Variants in ARHGAP44 observed in about 807,000 individuals in gnomAD.
ARHGAP44 encodes rho GTPase-activating protein 44.
A neutral mutation model predicts 106.8 loss-of-function variants in ARHGAP44; 43 were observed. The observed-to-expected ratio is 0.40, with a 90% CI of 0.32 to 0.52. The LOEUF (loss-of-function observed/expected upper bound fraction) is 0.52, where lower values mean the gene tolerates loss of function less well. Ranked by LOEUF, ARHGAP44 falls within the 20% of genes least tolerant of loss-of-function variation. The probability of loss-of-function intolerance (pLI) is 0.48; values close to 1 mark genes in which losing one functional copy is unlikely to be tolerated. For missense variants in ARHGAP44, 866 were observed against 1,050.5 expected (o/e 0.82, Z 2.43); for synonymous variants, 439 against 410.3 (o/e 1.07, Z -0.85).
intron 1 of ARHGAP44, among the ~76,000 whole-genome samples, chr17:12,871,674 A>C (rs1262190555): frequency 6.6e-6 from 1 of 152,178 alleles, no homozygotes; most frequent in Non-Finnish European, 1.5e-5. Context: ...TTAACAATTC[A>C]ACGTGAAATT....
intron 8 of ARHGAP44, among the ~76,000 whole-genome samples, chr17:12,942,882 T>C (rs914946789): frequency 2.0e-5 from 3 of 152,224 alleles, no homozygotes; most frequent in Non-Finnish European, 4.4e-5. Context: ...AATTTGTTCT[T>C]TGGACTGCAT....
chr17:12,811,607 C>A (rs957727469), intron 1 of ARHGAP44, among the ~76,000 whole-genome samples: 2 of 152,122 alleles, frequency 1.3e-5, no homozygotes, highest in African/African-American at 2.4e-5. Context: ...ACTGTATATA[C>A]GTCTGAAATG....
intron 20 of ARHGAP44, among the ~76,000 whole-genome samples, chr17:12,989,101 CAAAAAAAAAAAAA>C (rs71144942): frequency 6.6e-5 from 3 of 45,160 alleles, no homozygotes; most frequent in African/African-American, 2.6e-4. Flanking sequence ...CCACCCCCCC[CAAAAAAAAAAAAA>C]AAAAAAAAAA....
chr17:12,935,345 G>A (rs1179063681), intron 7 of ARHGAP44, among the ~76,000 whole-genome samples: 2 of 152,122 alleles, frequency 1.3e-5, no homozygotes, highest in African/African-American at 2.4e-5. Flanking sequence ...AAGCTGAGGC[G>A]GGTGGATCAC....
rs555427621 is a variant in ARHGAP44 at position 12,895,265 on chromosome 17, C to T, written c.93+286C>T. Among the ~76,000 whole-genome samples the T allele has an allele frequency of 5.3e-5, 8 of 152,200 alleles. No individual in the cohort carries two copies. The East Asian group carries it at 5.8e-4, about 11-fold the overall frequency. On this transcript the variant is annotated intron_variant, in intron 2 of 20. Transcript: ENST00000379672. ...AGGAGAGAAGTTTTTTTGTCTTTTA[C>T]GACAGTACTTTGCATGATGAATACT... is the stretch of plus-strand genomic sequence containing the variant.
intron 1 of ARHGAP44, among the ~76,000 whole-genome samples, chr17:12,843,651 CTTTTTTTTTTT>C (rs146749216): frequency 5.1e-5 from 5 of 97,124 alleles, no homozygotes; most frequent in Admixed American, 3.4e-4. Context: ...GTATTGGTTA[CTTTTTTTTTTT>C]TTTTTTTTTT....
At chr17:12,814,050 AG>A (rs1244901174) in intron 1 of ARHGAP44, among the ~76,000 whole-genome samples, 3 of 152,072 alleles carry the variant, frequency 2.0e-5, no homozygotes, top group Admixed American at 6.5e-5. Flanking sequence ...GCTGACCAAA[AG>A]CTTAATTGTC....
chr17:12,990,307 G>T lies in ARHGAP44; in HGVS notation c.*136G>T. On this transcript the variant is annotated 3_prime_UTR_variant, in exon 21 of 21. Transcript: ENST00000379672. ...CACTGCCAACACGAGGTTGGAATTT[G>T]GCAGAAAATTGTGATCTCCAGTCCG... 1 of 1,248,472 alleles carries T rather than the reference G, an allele frequency of 8.0e-7. No individual in the cohort carries two copies. Among genetic ancestry groups the T allele is most frequent in the Non-Finnish European group, 1.1e-6 (1 of 920,292 alleles). 77.3% of individuals were successfully genotyped at this position (1,248,472 alleles called of 1,614,324 possible). A position where few individuals can be genotyped will look rare whatever the true frequency, so the allele number is the denominator to read the frequency against.
chr17:12,845,676 A>T (rs540880078), intron 1 of ARHGAP44, among the ~76,000 whole-genome samples: 6 of 152,290 alleles, frequency 3.9e-5, no homozygotes, highest in Non-Finnish European at 5.9e-5. Context: ...GCTTCATCTA[A>T]CTATCTTACT....
intron 16 of ARHGAP44, 111 bp from the exon 17 acceptor site, chr17:12,973,191 C>T (rs9889794): frequency 0.073 from 81,739 of 1,114,552 alleles, 3,354 homozygotes; most frequent in African/African-American, 0.12. Flanking sequence ...AAAAATCCCA[C>T]CCCAAGACCC....
At chr17:12,962,781 C>T (rs2039293641) in intron 16 of ARHGAP44, among the ~76,000 whole-genome samples, 1 of 152,174 alleles carries the variant, frequency 6.6e-6, no homozygotes, top group Non-Finnish European at 1.5e-5. Context: ...CGCGGTGGCT[C>T]ATGCCTGTAA....
chr17:12,824,241 T>G (rs2034854735), intron 1 of ARHGAP44, among the ~76,000 whole-genome samples: 1 of 152,068 alleles, frequency 6.6e-6, no homozygotes, highest in Non-Finnish European at 1.5e-5. Flanking sequence ...ACATGGTCAA[T>G]CCACAGGGCC....
intron 1 of ARHGAP44, among the ~76,000 whole-genome samples, chr17:12,800,989 C>A (rs964834735): frequency 6.6e-6 from 1 of 152,194 alleles, no homozygotes; most frequent in South Asian, 2.1e-4. Flanking sequence ...TGTATGTACC[C>A]TTAACCACAA....
intron 1 of ARHGAP44, among the ~76,000 whole-genome samples, chr17:12,794,865 G>A (rs1331299056): frequency 6.6e-6 from 1 of 152,160 alleles, no homozygotes; most frequent in Non-Finnish European, 1.5e-5. Flanking sequence ...AGGAGCACTG[G>A]TGCTGCAGAC....
intron 18 of ARHGAP44, among the ~76,000 whole-genome samples, chr17:12,974,734 T>A (rs932717478): frequency 4.6e-5 from 7 of 152,186 alleles, no homozygotes; most frequent in African/African-American, 1.7e-4. Flanking sequence ...CACACATACC[T>A]GTGATAAAGT....
chr17:12,857,294 G>C (rs9892176), intron 1 of ARHGAP44, among the ~76,000 whole-genome samples: 101,954 of 152,048 alleles, frequency 0.67, 34,381 homozygotes, highest in African/African-American at 0.69. Context: ...AAAGAATAAA[G>C]AGGGTAATTT....
At chr17:12,822,637 T>A (rs1205615928) in intron 1 of ARHGAP44, among the ~76,000 whole-genome samples, 2 of 152,180 alleles carry the variant, frequency 1.3e-5, no homozygotes, top group Non-Finnish European at 2.9e-5. Flanking sequence ...ACTTTAGGCC[T>A]TGAGTGGAAG....
intron 6 of ARHGAP44, among the ~76,000 whole-genome samples, chr17:12,928,670 G>A (rs911097131): frequency 3.3e-5 from 5 of 152,172 alleles, no homozygotes; most frequent in African/African-American, 1.2e-4. Flanking sequence ...AGACAATAGA[G>A]AAAATAGTGA....
At chr17:12,923,709 C>T (rs1427421278) in intron 6 of ARHGAP44, among the ~76,000 whole-genome samples, 1 of 152,204 alleles carries the variant, frequency 6.6e-6, no homozygotes, top group Admixed American at 6.5e-5. Context: ...TTCCGCTTTA[C>T]TCTCAGACTG....
Sources: allele counts gnomAD v4.1 joint callset (sites outside exome capture counted in the v4.1 genomes callset), GRCh38; gene constraint gnomAD v4.1.1; transcripts MANE v1.5; gene names NCBI Gene and HGNC (gene_info 2026-07-23, HGNC 2026-07-21).